The following KANK1 variants were observed in gnomAD, a reference collection of about 807,000 sequenced individuals.
KANK1 encodes the protein KN motif and ankyrin repeat domains 1.
KANK1 carries 109 observed loss-of-function variants against 106.2 expected under a neutral mutation model. The ratio of observed to expected loss-of-function variants is 1.03; its 90% CI spans 0.88 to 1.20. KANK1 has a LOEUF of 1.20. Ranked by LOEUF, KANK1 falls within the 50% of genes most tolerant of loss-of-function variation. The probability of loss-of-function intolerance (pLI) is 0.00; values close to 1 mark genes in which losing one functional copy is unlikely to be tolerated. For synonymous variants in KANK1, 873 were observed against 652.2 expected (o/e 1.34, Z -5.16); for missense variants, 2,399 against 1,710.7 (o/e 1.40, Z -7.10).
chr9:575,568 G>C (rs1250422656), intron 1 of KANK1, among the ~76,000 whole-genome samples: 1 of 151,512 alleles, frequency 6.6e-6, no homozygotes, highest in Non-Finnish European at 1.5e-5. Flanking sequence ...CTGCTCAGGA[G>C]ACTGAGGTGG....
chr9:660,542 C>T (rs1244062657), intron 1 of KANK1, among the ~76,000 whole-genome samples: 1 of 152,094 alleles, frequency 6.6e-6, no homozygotes, highest in Non-Finnish European at 1.5e-5. Flanking sequence ...AGAGGTCAAG[C>T]AGTAGGCGCC....
At chr9:652,862 T>C (rs905480281) in intron 1 of KANK1, among the ~76,000 whole-genome samples, 2 of 151,812 alleles carry the variant, frequency 1.3e-5, no homozygotes, top group Admixed American at 1.3e-4. Context: ...GGAGAGGGAA[T>C]AGAAAACTTA....
At chr9:595,124 G>T (rs776611933) in intron 1 of KANK1, among the ~76,000 whole-genome samples, 49 of 151,958 alleles carry the variant, frequency 3.2e-4, no homozygotes, top group South Asian at 1.5e-3. Context: ...AAATTAAAAT[G>T]CAACGATGGC....
intron 3 of KANK1, among the ~76,000 whole-genome samples, chr9:715,423 T>TCCTCCCC (rs1236415725): frequency 6.6e-6 from 1 of 152,154 alleles, no homozygotes; most frequent in African/African-American, 2.4e-5. Flanking sequence ...CCTTCCTCCC[T>TCCTCCCC]CCTCCCCAAA....
At chr9:744,676 G>C (rs749781635) in intron 11 of KANK1, 87 bp downstream of exon 11, 5 of 1,609,294 alleles carry the variant, frequency 3.1e-6, no homozygotes, top group African/African-American at 1.3e-5. Context: ...ACGGGAGACA[G>C]ATTTTATGTT....
chr9:693,164 A>G (rs549193424), intron 2 of KANK1, among the ~76,000 whole-genome samples: 3 of 152,206 alleles, frequency 2.0e-5, no homozygotes, highest in Admixed American at 6.5e-5. Flanking sequence ...GCTTGGGCCT[A>G]TGGTTTACGA....
At position 699,523 on chromosome 9, in the gene KANK1, G is replaced by C. The variant is rs572705964; in HGVS notation, c.38-11281G>C. 2.8e-4 allele frequency among the ~76,000 whole-genome samples: 42 copies of C among 152,262 alleles called. 2 individuals carry two copies. The South Asian group carries it at 8.5e-3, about 31-fold the overall frequency. ...GGTTAATGTCTGTTAAAAAAGTCCAGATAAGATTATCTGTGAGAGGAAATC... is the reference window on the plus strand; with the variant it reads ...GGTTAATGTCTGTTAAAAAAGTCCACATAAGATTATCTGTGAGAGGAAATC... On this transcript the variant is annotated intron_variant, in intron 2 of 11. Coordinates refer to ENST00000382297, the MANE Select transcript of KANK1 (RefSeq NM_015158.5).
At chr9:698,921 C>T (rs1821966345) in intron 2 of KANK1, among the ~76,000 whole-genome samples, 1 of 152,188 alleles carries the variant, frequency 6.6e-6, no homozygotes, top group Non-Finnish European at 1.5e-5. Context: ...CAATAGCTTA[C>T]CAATGCATCT....
intron 1 of KANK1, among the ~76,000 whole-genome samples, chr9:535,328 C>T (rs2060247463): frequency 6.6e-6 from 1 of 152,102 alleles, no homozygotes; most frequent in Non-Finnish European, 1.5e-5. Context: ...ATGCAAAGGC[C>T]CTACGTCTTC....
chr9:608,714 G>C (rs145028601), intron 1 of KANK1, among the ~76,000 whole-genome samples: 15 of 152,304 alleles, frequency 9.8e-5, no homozygotes, highest in Non-Finnish European at 1.5e-4. Flanking sequence ...AAGGTTGTCA[G>C]TTATTAGGGT....
chr9:538,417 A>G (rs954478000), intron 1 of KANK1, among the ~76,000 whole-genome samples: 1 of 152,226 alleles, frequency 6.6e-6, no homozygotes, highest in African/African-American at 2.4e-5. Flanking sequence ...AAGAAGAGGG[A>G]AAGAAAAACA....
At chr9:681,073 G>C (rs1817465915) in intron 2 of KANK1, 1 of 152,178 alleles carries the variant, frequency 6.6e-6, no homozygotes, top group Admixed American at 6.6e-5. Context: ...TTTTAAATTA[G>C]CCAGGCATAG....
chr9:582,855 G>C (rs1822517346), intron 1 of KANK1, among the ~76,000 whole-genome samples: 1 of 152,198 alleles, frequency 6.6e-6, no homozygotes. Flanking sequence ...GATGTACACT[G>C]TTACTATAGA....
At chr9:494,947 C>T (rs930352885) in intron 3 of KANK1, among the ~76,000 whole-genome samples, 9 of 152,124 alleles carry the variant, frequency 5.9e-5, no homozygotes, top group South Asian at 2.1e-4. Flanking sequence ...GTACATAGAC[C>T]GTGAACAAAT....
intron 1 of KANK1, among the ~76,000 whole-genome samples, chr9:623,879 A>G (rs1196144399): frequency 6.6e-6 from 1 of 152,176 alleles, no homozygotes; most frequent in African/African-American, 2.4e-5. Context: ...ACTTGTGGAT[A>G]TATGTTTAAA....
intron 3 of KANK1, among the ~76,000 whole-genome samples, chr9:728,263 C>T (rs1044305143): frequency 2.6e-5 from 4 of 151,866 alleles, no homozygotes; most frequent in African/African-American, 9.7e-5. Flanking sequence ...TGCAATGGCA[C>T]GATCTAGGCA....
At chr9:576,443 C>T (rs906450995) in intron 1 of KANK1, among the ~76,000 whole-genome samples, 6 of 152,204 alleles carry the variant, frequency 3.9e-5, no homozygotes, top group African/African-American at 1.4e-4. Context: ...GGCACTGTGC[C>T]TATCTTTCCC....
At chr9:541,179 A>T (rs1283814163) in intron 1 of KANK1, among the ~76,000 whole-genome samples, 2 of 152,208 alleles carry the variant, frequency 1.3e-5, no homozygotes, top group African/African-American at 2.4e-5. Flanking sequence ...TGACTTCAAA[A>T]TATACTAAAA....
At chr9:546,550 G>A (rs1442625312) in intron 1 of KANK1, among the ~76,000 whole-genome samples, 1 of 152,066 alleles carries the variant, frequency 6.6e-6, no homozygotes, top group African/African-American at 2.4e-5. Context: ...TCATTTGCTT[G>A]TGGCAGTTTT....
Sources: allele counts gnomAD v4.1 joint callset (sites outside exome capture counted in the v4.1 genomes callset), GRCh38; gene constraint gnomAD v4.1.1; transcripts MANE v1.5; gene names NCBI Gene and HGNC (gene_info 2026-07-23, HGNC 2026-07-21).